The following MYOM1 variants were observed in gnomAD, a reference collection of about 807,000 sequenced individuals.
MYOM1 encodes myomesin 1, also known as myomesin-1.
A neutral mutation model predicts 205.3 loss-of-function variants in MYOM1; 164 were observed. That is an observed-to-expected ratio of 0.80 (90% confidence interval 0.70 to 0.91). MYOM1 has a LOEUF of 0.91. MYOM1 is among the 40% of genes least tolerant of loss of function. The pLI, the probability that MYOM1 is intolerant of heterozygous loss-of-function variation, is 0.00. For synonymous variants in MYOM1, 772 were observed against 789.4 expected (o/e 0.98, Z 0.37); for missense variants, 2,011 against 2,127.3 (o/e 0.95, Z 1.08).
intron 4 of MYOM1, among the ~76,000 whole-genome samples, chr18:3,188,141 A>G (rs1023622111): frequency 6.6e-6 from 1 of 152,036 alleles, no homozygotes; most frequent in African/African-American, 2.4e-5. Flanking sequence ...ACACCTGATC[A>G]TATTTTACTT....
chr18:3,147,121 AATATTAT>A (rs2080138296), intron 13 of MYOM1, among the ~76,000 whole-genome samples: 1 of 139,980 alleles, frequency 7.1e-6, no homozygotes, highest in African/African-American at 2.5e-5. Context: ...TTTATATATA[AATATTAT>A]ATATTATAGA....
At chr18:3,155,886 C>T (rs1297055037) in intron 10 of MYOM1, among the ~76,000 whole-genome samples, 3 of 152,120 alleles carry the variant, frequency 2.0e-5, no homozygotes, top group South Asian at 2.1e-4. Flanking sequence ...AGAAAACATT[C>T]GTTTTAATCA....
At chr18:3,104,877 G>C (rs1038269023) in intron 22 of MYOM1, among the ~76,000 whole-genome samples, 1 of 148,188 alleles carries the variant, frequency 6.7e-6, no homozygotes, top group African/African-American at 2.5e-5. Flanking sequence ...CTCCCAAGTA[G>C]CTGGGATCAC....
chr18:3,132,678 A>C (rs781168954), intron 16 of MYOM1, among the ~76,000 whole-genome samples: 2 of 152,138 alleles, frequency 1.3e-5, no homozygotes, highest in African/African-American at 2.4e-5. Context: ...GTCTCGCTGC[A>C]TGCCAAGGAA....
chr18:3,075,503 G>GACA (rs1555614025), intron 35 of MYOM1, 27 bp from the exon 36 acceptor site: 1 of 1,381,620 alleles, frequency 7.2e-7, no homozygotes, highest in Non-Finnish European at 9.6e-7. Flanking sequence ...CGAACAAACA[G>GACA]ACGAAGAATT....
At chr18:3,244,958 A>G in the MYOM1 span, among the ~76,000 whole-genome samples, 27 of 141,984 alleles carry the variant, frequency 1.9e-4, no homozygotes, top group African/African-American at 5.6e-4. Flanking sequence ...TTTAAAAAGG[A>G]AAAAAAAAAA....
chr18:3,075,361 T>C (rs181346971), intron 36 of MYOM1, 93 bp downstream of exon 36: 598 of 1,219,370 alleles, frequency 4.9e-4, no homozygotes, highest in Non-Finnish European at 6.6e-4. Flanking sequence ...CCACTTCCAT[T>C]CTCCTCCATC....
At chr18:3,214,542 G>A (rs1567972129) in intron 2 of MYOM1, among the ~76,000 whole-genome samples, 1 of 152,222 alleles carries the variant, frequency 6.6e-6, no homozygotes, top group Non-Finnish European at 1.5e-5. Context: ...AACTGGGAGA[G>A]GCTGGGCACG....
At chr18:3,228,163 C>T in the MYOM1 span, among the ~76,000 whole-genome samples, 1 of 152,198 alleles carries the variant, frequency 6.6e-6, no homozygotes, top group East Asian at 1.9e-4. This position sits in a 1 kb window ranked among gnomAD's most constrained non-coding sequence, Gnocchi z 4.5. Context: ...CAAAGGACAA[C>T]GTGATGAAGA....
the MYOM1 span, among the ~76,000 whole-genome samples, chr18:3,243,943 C>G: frequency 3.3e-5 from 5 of 152,262 alleles, no homozygotes; most frequent in Non-Finnish European, 5.9e-5. Context: ...CCACCTTACT[C>G]TGAGGCAGGA....
intron 31 of MYOM1, among the ~76,000 whole-genome samples, chr18:3,084,755 G>A (rs2079129898): frequency 6.6e-6 from 1 of 152,110 alleles, no homozygotes. Context: ...TTTGAGCCTG[G>A]AACATTTTTA....
intron 8 of MYOM1, among the ~76,000 whole-genome samples, chr18:3,171,383 C>T (rs1319573527): frequency 2.6e-5 from 4 of 152,114 alleles, no homozygotes; most frequent in African/African-American, 4.8e-5. Context: ...TGAGGGCTAC[C>T]GCCAGATGTT....
intron 2 of MYOM1, among the ~76,000 whole-genome samples, chr18:3,195,051 ACCATTTC>A (rs2080975578): frequency 6.6e-6 from 1 of 152,230 alleles, no homozygotes; most frequent in African/African-American, 2.4e-5. Flanking sequence ...CCAAACCTTG[ACCATTTC>A]CTAATCTTGG....
intron 22 of MYOM1, among the ~76,000 whole-genome samples, chr18:3,103,420 T>C (rs928698336): frequency 6.6e-6 from 1 of 152,214 alleles, no homozygotes; most frequent in Non-Finnish European, 1.5e-5. Flanking sequence ...TTGAGAGTTA[T>C]AATAAATTGC....
chr18:3,125,226 C>T (rs965095834), intron 19 of MYOM1, among the ~76,000 whole-genome samples: 1 of 152,140 alleles, frequency 6.6e-6, no homozygotes, highest in African/African-American at 2.4e-5. Context: ...AGCCATTCTA[C>T]ATTTAGGTGA....
chr18:3,215,487 C>T (rs926158446), intron 1 of MYOM1, among the ~76,000 whole-genome samples: 3 of 152,088 alleles, frequency 2.0e-5, no homozygotes, highest in African/African-American at 7.2e-5. Context: ...TCTGTAGTCC[C>T]AGCTACTCCG....
In MYOM1 at chr18:3,090,116, C is replaced by T. The variant is rs200863070; in HGVS notation, c.4010-520G>A. ...TTGTTTATATATGAAAGTATTTAAA[C>T]GCAGTCTTGCCTGTGAGCTAGGAAT... On this transcript the variant is annotated intron_variant, in intron 27 of 37. Coordinates refer to ENST00000356443, the MANE Select transcript of MYOM1 (RefSeq NM_003803.4). 2.6e-5 allele frequency among the ~76,000 whole-genome samples: 4 copies of T among 152,094 alleles called. No individual in the cohort carries two copies. The East Asian group carries it at 7.7e-4, about 29-fold the overall frequency.
At chr18:3,186,182 C>T (rs759840052) in intron 5 of MYOM1, among the ~76,000 whole-genome samples, 47 of 150,688 alleles carry the variant, frequency 3.1e-4, no homozygotes, top group African/African-American at 9.0e-4. Context: ...GGTGACAAGG[C>T]GGGACTCTGT....
rs5822738 is a variant in MYOM1 at position 3,114,544 on chromosome 18, A to ATTT, written c.3303+1784_3303+1786dup. Among the ~76,000 whole-genome samples the ATTT allele has an allele frequency of 6.8e-3, 599 of 88,326 alleles. 13 individuals carry two copies. The highest frequency in any genetic ancestry group is 0.025 in the African/African-American group (524 of 20,744). 57.9% of individuals were successfully genotyped at this position (88,326 alleles called of 152,430 possible). Reference sequence around the variant, plus strand: ...AGGCACATGCCACCATGGTCAGCTAATTTTTTTTTTTTTTTTTTTTTTTTT... The same window carrying ATTT: ...AGGCACATGCCACCATGGTCAGCTAATTTTTTTTTTTTTTTTTTTTTTTTTTTT... On this transcript the variant is annotated intron_variant, in intron 21 of 37. Transcript: ENST00000356443.
Sources: allele counts gnomAD v4.1 joint callset (sites outside exome capture counted in the v4.1 genomes callset), GRCh38; gene constraint gnomAD v4.1.1; non-coding constraint Gnocchi (gnomAD v3.1); transcripts MANE v1.5; gene names NCBI Gene and HGNC (gene_info 2026-07-23, HGNC 2026-07-21).